Variants in SYNRG observed in about 807,000 individuals in gnomAD.
The protein encoded by SYNRG is synergin gamma.
A neutral mutation model predicts 130.9 loss-of-function variants in SYNRG; 37 were observed. The ratio of observed to expected loss-of-function variants is 0.28; its 90% CI spans 0.22 to 0.37. The LOEUF (loss-of-function observed/expected upper bound fraction) is 0.37. SYNRG is among the 10% of genes least tolerant of loss of function. The pLI is 1.00. For missense variants in SYNRG, 1,338 were observed against 1,588.9 expected, an observed-to-expected ratio of 0.84 and a Z score of 2.68; for synonymous variants, 539 against 568.1, an observed-to-expected ratio of 0.95 and a Z score of 0.73.
chr17:37,537,153 T>A (rs1598167061), intron 18 of SYNRG: 1 of 152,204 alleles, frequency 6.6e-6, no homozygotes, highest in East Asian at 1.9e-4. Flanking sequence ...AGACCCCAAG[T>A]GAGGTGGCAG....
In SYNRG at chr17:37,518,453, A is replaced by T. The variant is rs1795093493; in HGVS notation, c.*487T>A. 1 of 154,086 alleles carries T rather than the reference A, an allele frequency of 6.5e-6. No homozygotes were observed. Among genetic ancestry groups the T allele is most frequent in the Non-Finnish European group, 1.4e-5 (1 of 69,184 alleles). 9.5% of individuals were successfully genotyped at this position (154,086 alleles called of 1,614,324 possible). ...GCAGAATCTTCTCCATAAAAAGCAGAACATCAGTTTAATCGCAATTTCCTC... is the reference window on the plus strand; with the variant it reads ...GCAGAATCTTCTCCATAAAAAGCAGTACATCAGTTTAATCGCAATTTCCTC... On this transcript the variant is annotated 3_prime_UTR_variant, in exon 22 of 22. Coordinates refer to ENST00000612223, the MANE Select transcript of SYNRG (RefSeq NM_007247.6).
chr17:37,607,969 A>AC, intron 1 of SYNRG, among the ~76,000 whole-genome samples: 1 of 148,658 alleles, frequency 6.7e-6, no homozygotes, highest in South Asian at 2.2e-4. Flanking sequence ...AAAAAAAAAA[A>AC]AAAAAAAAAA....
chr17:37,522,294 C>T (rs1328682318), intron 19 of SYNRG, among the ~76,000 whole-genome samples: 2 of 151,748 alleles, frequency 1.3e-5, no homozygotes, highest in Non-Finnish European at 2.9e-5. Context: ...TCTCAAATAG[C>T]TGGGGCCACA....
At chr17:37,575,826 G>GT (rs1228516823) in intron 8 of SYNRG, among the ~76,000 whole-genome samples, 4 of 129,012 alleles carry the variant, frequency 3.1e-5, no homozygotes, top group African/African-American at 6.0e-5. Flanking sequence ...CTGGGTGACA[G>GT]TAAGACCTTG....
intron 13 of SYNRG, among the ~76,000 whole-genome samples, chr17:37,558,935 G>A (rs186038838): frequency 1.6e-4 from 24 of 152,250 alleles, no homozygotes; most frequent in Admixed American, 3.9e-4. Context: ...TACGAGTTCG[G>A]TTGAGTCCTG....
rs1036190385 is a variant in SYNRG, at chr17:37,555,060, G to A, written c.1664-1001C>T. 4.6e-5 allele frequency among the ~76,000 whole-genome samples: 7 copies of A among 151,706 alleles called. No homozygotes were observed. In the East Asian group the frequency reaches 1.2e-3, roughly 25 times the overall value. The stretch of plus-strand genomic sequence containing the variant: ...TTTTATATTCTGGTTAAATAGAGTG[G>A]GTACTTATGTACTTCTCATAAATAA... On this transcript the variant is annotated intron_variant, in intron 13 of 21. Coordinates refer to ENST00000612223, the MANE Select transcript of SYNRG (RefSeq NM_007247.6).
rs565059152 is a variant in SYNRG at position 37,525,953 on chromosome 17, G to A, written c.3667-5305C>T. 3.7e-4 allele frequency among the ~76,000 whole-genome samples: 56 copies of A among 151,656 alleles called. 1 individual carries two copies. The South Asian group carries it at 7.7e-3, about 21-fold the overall frequency. On this transcript the variant is annotated intron_variant, in intron 19 of 21. Coordinates refer to ENST00000612223, the MANE Select transcript of SYNRG (RefSeq NM_007247.6). ...TGCACTCCAGCCTGGGCAACAGAGC[G>A]AGACTCCGTCTCAAAAACAAAACAA...
chr17:37,538,214 T>C, intron 18 of SYNRG, 110 bp downstream of exon 18: 1 of 761,106 alleles, frequency 1.3e-6, no homozygotes, highest in Non-Finnish European at 2.1e-6. Context: ...CAGATGCTTC[T>C]TACTGAAGTC....
At chr17:37,545,106 C>G (rs2058157147) in intron 14 of SYNRG, among the ~76,000 whole-genome samples, 1 of 151,910 alleles carries the variant, frequency 6.6e-6, no homozygotes, top group African/African-American at 2.4e-5. Context: ...GTAATTCCAG[C>G]TACTCAGGAG....
At chr17:37,532,751 T>C (rs764052660) in intron 19 of SYNRG, among the ~76,000 whole-genome samples, 43 of 151,996 alleles carry the variant, frequency 2.8e-4, no homozygotes, top group Non-Finnish European at 4.9e-4. Context: ...TACTGATTAA[T>C]TGTACCTCCC....
Position 37,520,645 on chromosome 17 carries a change from C to G in SYNRG, c.3670G>C (p.Asp1224His). The G allele has an allele frequency of 6.2e-7, 1 of 1,614,174 alleles. No homozygotes were observed. Among genetic ancestry groups the G allele is most frequent in the Non-Finnish European group, 8.5e-7 (1 of 1,179,984 alleles). The change falls in exon 20 of 22, where the codon GAT becomes CAT. Residue 1224 changes from aspartate (D) to histidine (H), a missense_variant. Physicochemically the swap from Asp to His is moderately conservative, Grantham distance 81 (BLOSUM62 -1). This residue lies in a region of SYNRG where 1,146 missense variants were observed against 1,342.3 expected (regional missense o/e 0.85). Transcript: ENST00000612223. ...GAGGAAAAATCCAGCGAGTTTTCAT[C>G]TGGCTGTGAGGACGACAAGACAAAT... is the stretch of plus-strand genomic sequence containing the variant. The part of the protein sequence containing the change: ...GFMSLATLTP[D>H]ENSLDFSSCM...
chr17:37,592,575 C>T (rs1362170482), intron 3 of SYNRG, among the ~76,000 whole-genome samples: 2 of 152,152 alleles, frequency 1.3e-5, no homozygotes, highest in East Asian at 3.8e-4. Flanking sequence ...ACACCATGGA[C>T]TATTACTCAT....
intron 14 of SYNRG, among the ~76,000 whole-genome samples, chr17:37,549,378 C>A (rs995347966): frequency 6.6e-6 from 1 of 152,048 alleles, no homozygotes; most frequent in Admixed American, 6.6e-5. Flanking sequence ...GTTTGGCCTA[C>A]GCTTGTTGCC....
In SYNRG at chr17:37,577,510, G is replaced by A. The variant is rs760138435; in HGVS notation, c.693C>T (p.Gly231=). The A allele has an allele frequency of 6.2e-7, 1 of 1,614,100 alleles. No individual in the cohort carries two copies. The highest frequency in any genetic ancestry group is 1.1e-5 in the South Asian group (1 of 91,076). Residue 231 remains glycine, a synonymous_variant, in exon 7 of 22, where the codon GGC becomes GGT. Transcript: ENST00000612223. ...TGGGATACTTCTTACTGGAACCTGG[G>A]CCTAGGGCTTTGTGGCCAACTTCAG... The part of the protein sequence containing the change: ...NTSEVGHKAL[G]PGSSKKYPSL...
chr17:37,525,811 CA>C (rs1300585457), intron 19 of SYNRG, among the ~76,000 whole-genome samples: 9 of 152,182 alleles, frequency 5.9e-5, no homozygotes, highest in Non-Finnish European at 7.3e-5. Flanking sequence ...ACTAAAAATA[CA>C]AAAATTAGCC....
chr17:37,551,890 AGAC>A (rs896369010), intron 14 of SYNRG, among the ~76,000 whole-genome samples: 1 of 151,388 alleles, frequency 6.6e-6, no homozygotes, highest in African/African-American at 2.4e-5. Flanking sequence ...AAAAAAAAAA[AGAC>A]AGAAAGTAGA....
chr17:37,599,191 C>G (rs796934265), intron 2 of SYNRG, among the ~76,000 whole-genome samples: 6 of 152,260 alleles, frequency 3.9e-5, no homozygotes, highest in African/African-American at 9.6e-5. Context: ...TTTTCAGAAG[C>G]AGCTTGGTGT....
intron 19 of SYNRG, among the ~76,000 whole-genome samples, chr17:37,528,709 C>T (rs1163301846): frequency 6.6e-6 from 1 of 152,164 alleles, no homozygotes; most frequent in Non-Finnish European, 1.5e-5. Context: ...TGGTTTATGT[C>T]ATTTACATTT....
intron 11 of SYNRG, among the ~76,000 whole-genome samples, chr17:37,562,590 G>A (rs1334010824): frequency 6.6e-6 from 1 of 152,134 alleles, no homozygotes; most frequent in Non-Finnish European, 1.5e-5. Flanking sequence ...CTTATCAGTG[G>A]CTTACAAGCA....
Sources: gnomAD v4.1 joint callset for allele counts (sites outside exome capture counted in the v4.1 genomes callset) on GRCh38, gnomAD v4.1.1 for gene constraint, gnomAD v4.1.1 regional missense constraint, MANE v1.5 for transcripts, NCBI Gene and HGNC (gene_info 2026-07-23, HGNC 2026-07-21) for gene names.